Variants in CTNNA2 observed in about 807,000 individuals in gnomAD.
The protein encoded by CTNNA2 is catenin alpha 2, also known as catenin alpha-2.
Under a neutral mutation model 101.0 loss-of-function variants are expected in CTNNA2, and 42 were observed. That is an observed-to-expected ratio of 0.42 (90% CI 0.32 to 0.54). The LOEUF is 0.54. Among genes scored for constraint, CTNNA2 ranks in the 20% least tolerant of loss-of-function variants. CTNNA2 has a pLI of 0.14. For missense variants in CTNNA2, 871 were observed against 1,223.1 expected (o/e 0.71, Z 4.29); for synonymous variants, 450 against 456.4 (o/e 0.99, Z 0.18).
intron 3 of CTNNA2, among the ~76,000 whole-genome samples, chr2:79,779,697 T>C (rs1275259921): frequency 4.6e-5 from 7 of 151,846 alleles, no homozygotes; most frequent in African/African-American, 1.4e-4. Flanking sequence ...CCTGGATGTA[T>C]TATCCAAAGG....
chr2:80,351,138 A>G (rs1389818079), intron 7 of CTNNA2, among the ~76,000 whole-genome samples: 1 of 152,156 alleles, frequency 6.6e-6, no homozygotes, highest in Non-Finnish European at 1.5e-5. Context: ...TTCCTACTAT[A>G]GCAAGTGAGA....
chr2:80,261,933 A>G (rs1440736345), intron 7 of CTNNA2, among the ~76,000 whole-genome samples: 6 of 152,174 alleles, frequency 3.9e-5, no homozygotes, highest in Non-Finnish European at 7.4e-5. Context: ...TTCACTGTAC[A>G]TAAATGTGGT....
chr2:79,272,347 G>A (rs1433882021), intron 2 of CTNNA2, among the ~76,000 whole-genome samples: 2 of 151,790 alleles, frequency 1.3e-5, no homozygotes, highest in Admixed American at 6.6e-5. Context: ...AAAAAAAAGA[G>A]AGCAGAACAA....
intron 7 of CTNNA2, among the ~76,000 whole-genome samples, chr2:80,332,565 T>C (rs1476839202): frequency 1.3e-5 from 2 of 152,062 alleles, no homozygotes; most frequent in African/African-American, 2.4e-5. Flanking sequence ...CAAACTTGCC[T>C]AATAAAAAAG....
At chr2:80,505,832 G>C (rs1326647064) in intron 9 of CTNNA2, among the ~76,000 whole-genome samples, 1 of 152,076 alleles carries the variant, frequency 6.6e-6, no homozygotes, top group African/African-American at 2.4e-5. Flanking sequence ...AGCTATTCTT[G>C]CTATTAAAGT....
intron 15 of CTNNA2, among the ~76,000 whole-genome samples, chr2:80,602,555 T>G (rs1697645869): frequency 6.6e-6 from 1 of 152,048 alleles, no homozygotes; most frequent in African/African-American, 2.4e-5. Context: ...GGTCTAGAAG[T>G]TACAAAGAAA....
At chr2:80,325,394 A>G (rs1242974589) in intron 7 of CTNNA2, among the ~76,000 whole-genome samples, 1 of 152,254 alleles carries the variant, frequency 6.6e-6, no homozygotes, top group African/African-American at 2.4e-5. Flanking sequence ...ATTCAAGTAT[A>G]GGTGAATCCT....
At chr2:79,780,424 G>T (rs566465344) in intron 3 of CTNNA2, among the ~76,000 whole-genome samples, 1 of 152,298 alleles carries the variant, frequency 6.6e-6, no homozygotes, top group South Asian at 2.1e-4. Context: ...AGACCTCAAA[G>T]AATCTTAGAG....
At chr2:79,832,501 T>C (rs957638263) in intron 3 of CTNNA2, among the ~76,000 whole-genome samples, 1 of 152,240 alleles carries the variant, frequency 6.6e-6, no homozygotes, top group Non-Finnish European at 1.5e-5. Context: ...TACATTGATA[T>C]GGCCTGTTTT....
At chr2:79,285,378 C>G (rs1675539899) in intron 2 of CTNNA2, among the ~76,000 whole-genome samples, 1 of 149,638 alleles carries the variant, frequency 6.7e-6, no homozygotes, top group Non-Finnish European at 1.5e-5. Flanking sequence ...CCTGCTTTCT[C>G]TTGTGGGCAT....
chr2:80,206,043 C>T (rs1250648863), intron 7 of CTNNA2, among the ~76,000 whole-genome samples: 1 of 152,096 alleles, frequency 6.6e-6, no homozygotes, highest in Non-Finnish European at 1.5e-5. Flanking sequence ...TCATGGTAAT[C>T]CATTTCATGT....
intron 3 of CTNNA2, among the ~76,000 whole-genome samples, chr2:79,750,966 G>A (rs1671991695): frequency 1.3e-5 from 2 of 152,010 alleles, no homozygotes; most frequent in Non-Finnish European, 2.9e-5. Flanking sequence ...TATGCTAAAT[G>A]ATGTGTTACC....
intron 3 of CTNNA2, among the ~76,000 whole-genome samples, chr2:79,845,077 A>ATG (rs1553380762): frequency 4.8e-5 from 7 of 144,402 alleles, no homozygotes; most frequent in Middle Eastern, 3.6e-3. Flanking sequence ...GTATATATAT[A>ATG]TGTGTATATA....
chr2:79,244,022 C>G lies in CTNNA2; in HGVS notation c.-406+45946C>G, dbSNP rs80005190. ...AGGGTGATGTTAACCCTGGCACCCT[C>G]TGAGGCACTAATTTCACTGCTGTTT... is the stretch of plus-strand genomic sequence containing the variant. On this transcript the variant is annotated intron_variant, in intron 2 of 21. Coordinates refer to the CTNNA2 transcript ENST00000466387. Among the ~76,000 whole-genome samples, 793 of 152,266 alleles carry G rather than the reference C, an allele frequency of 5.2e-3. 6 individuals carry two copies. The highest frequency in any genetic ancestry group is 0.018 in the African/African-American group (756 of 41,550).
At chr2:80,160,377 A>G (rs1192093936) in intron 7 of CTNNA2, among the ~76,000 whole-genome samples, 1 of 152,194 alleles carries the variant, frequency 6.6e-6, no homozygotes, top group African/African-American at 2.4e-5. Context: ...TAACCTGTAT[A>G]TCAATTTGGG....
At chr2:79,749,147 A>G (rs915908736) in intron 3 of CTNNA2, among the ~76,000 whole-genome samples, 30 of 151,600 alleles carry the variant, frequency 2.0e-4, no homozygotes, top group African/African-American at 7.3e-4. Context: ...TCCCCTCTAC[A>G]CCCCATGTTC....
rs553889858 is a variant in CTNNA2 at position 79,325,813 on chromosome 2, G to C, written c.-318+13017G>C. ...CCATTGCCTCTTGGCTTCTCTGCAG[G>C]CACTCAGTAAAATGTTCTAAACCAG... is the stretch of plus-strand genomic sequence containing the variant. On this transcript the variant is annotated intron_variant, in intron 3 of 21. Transcript: ENST00000466387. Among the ~76,000 whole-genome samples the C allele has an allele frequency of 5.3e-5, 8 of 152,232 alleles. No individual in the cohort carries two copies. The East Asian group carries it at 1.5e-3, about 29-fold the overall frequency.
intron 4 of CTNNA2, among the ~76,000 whole-genome samples, chr2:79,427,881 A>T (rs1166807488): frequency 1.3e-5 from 2 of 151,994 alleles, no homozygotes; most frequent in Non-Finnish European, 2.9e-5. Context: ...AAAGGAACAG[A>T]TAATTTTGTG....
At chr2:79,527,255 C>T (rs150575271) in intron 1 of CTNNA2, among the ~76,000 whole-genome samples, 139 of 151,976 alleles carry the variant, frequency 9.1e-4, no homozygotes, top group African/African-American at 3.1e-3. Context: ...AATAAGCACA[C>T]GAAGAGATGC....
Sources: allele counts gnomAD v4.1 joint callset (sites outside exome capture counted in the v4.1 genomes callset), GRCh38; gene constraint gnomAD v4.1.1; transcripts MANE v1.5; gene names NCBI Gene and HGNC (gene_info 2026-07-23, HGNC 2026-07-21).